The following CMTM8 variants were observed in gnomAD, a reference collection of about 807,000 sequenced individuals.
The protein encoded by CMTM8 is CKLF-like MARVEL transmembrane domain-containing protein 8.
CMTM8 carries 12 observed loss-of-function variants against 18.6 expected under a neutral mutation model. The observed-to-expected ratio is 0.65, with a 90% CI of 0.41 to 1.05. CMTM8 has a LOEUF of 1.05. Ranked by LOEUF, CMTM8 falls within the 50% of genes least tolerant of loss-of-function variation. CMTM8 has a pLI of 0.00. For synonymous variants in CMTM8, 87 were observed against 90.6 expected (o/e 0.96, Z 0.23); for missense variants, 217 against 227.2 (o/e 0.95, Z 0.29).
chr3:32,339,739 G>A (rs370113383), intron 1 of CMTM8, among the ~76,000 whole-genome samples: 3 of 152,082 alleles, frequency 2.0e-5, no homozygotes, highest in East Asian at 3.9e-4. Flanking sequence ...CGAGGCGGGC[G>A]GATCATGAGG....
chr3:32,305,232 C>CTTT lies in CMTM8; in HGVS notation c.148-52127_148-52125dup, dbSNP rs397693052. Among the ~76,000 whole-genome samples the CTTT allele has an allele frequency of 1.9e-3, 241 of 127,536 alleles. 6 individuals carry two copies. In the East Asian group the frequency reaches 0.021, roughly 11 times the overall value. The allele number at this position is 127,536 out of a possible 152,430, so 83.7% of individuals were successfully genotyped here. ...GGGAACATTTGGTAATGACTGGAGG[C>CTTT]TTTTTTTTTTTTTTTTCAGACGGAG... On this transcript the variant is annotated intron_variant, in intron 1 of 3. Coordinates refer to ENST00000307526, the MANE Select transcript of CMTM8 (RefSeq NM_178868.5).
At chr3:32,281,689 A>C (rs1333452460) in intron 1 of CMTM8, among the ~76,000 whole-genome samples, 1 of 152,014 alleles carries the variant, frequency 6.6e-6, no homozygotes. Flanking sequence ...AACCCTCTCC[A>C]ATCAGCCTTG....
intron 1 of CMTM8, among the ~76,000 whole-genome samples, chr3:32,292,046 CCTT>C (rs1254669680): frequency 6.6e-6 from 1 of 152,168 alleles, no homozygotes; most frequent in African/African-American, 2.4e-5. Flanking sequence ...GCTCTCATCA[CCTT>C]CTATCCGGAT....
intron 1 of CMTM8, among the ~76,000 whole-genome samples, chr3:32,264,550 G>A (rs1219410029): frequency 1.3e-5 from 2 of 152,146 alleles, no homozygotes; most frequent in Non-Finnish European, 2.9e-5. Flanking sequence ...CAAGTAACAA[G>A]CAAAATAACC....
At chr3:32,304,400 A>T (rs1695683401) in intron 1 of CMTM8, among the ~76,000 whole-genome samples, 1 of 152,200 alleles carries the variant, frequency 6.6e-6, no homozygotes, top group Non-Finnish European at 1.5e-5. Flanking sequence ...TTGTTGTTGG[A>T]GATGGCATGG....
At position 32,370,178 on chromosome 3, in the gene CMTM8, T is replaced by G. The variant is rs1269317725; in HGVS notation, c.*211T>G. 3.7e-6 allele frequency: 1 copy of G among 273,220 alleles called. No individual in the cohort carries two copies. The highest frequency in any genetic ancestry group is 6.9e-6 in the Non-Finnish European group (1 of 144,754). 16.9% of individuals were successfully genotyped at this position (273,220 alleles called of 1,614,324 possible). On this transcript the variant is annotated 3_prime_UTR_variant, in exon 4 of 4. Transcript: ENST00000307526. ...TTATAATGAACTCTTAAGTATCTTA[T>G]TAATGTATTAATGTCTTCATAGATC... is the stretch of plus-strand genomic sequence containing the variant.
chr3:32,327,113 T>TA (rs35018766), intron 1 of CMTM8, among the ~76,000 whole-genome samples: 24,493 of 140,890 alleles, frequency 0.17, 2,058 homozygotes, highest in East Asian at 0.3. Context: ...CTAGAAGAGT[T>TA]AAAAAAAAAA....
chr3:32,259,085 G>C, intron 1 of CMTM8: 2 of 375,576 alleles, frequency 5.3e-6, no homozygotes, highest in South Asian at 4.7e-5. Flanking sequence ...TCTGGTTCCC[G>C]GATCACCGTG....
At chr3:32,304,926 A>G (rs1003645421) in intron 1 of CMTM8, among the ~76,000 whole-genome samples, 4 of 152,224 alleles carry the variant, frequency 2.6e-5, no homozygotes, top group Non-Finnish European at 5.9e-5. Context: ...ATAGATGAGA[A>G]AGCTCAAGTG....
chr3:32,311,286 A>G (rs781058328), intron 1 of CMTM8, among the ~76,000 whole-genome samples: 8 of 152,272 alleles, frequency 5.3e-5, no homozygotes, highest in Non-Finnish European at 1.2e-4. Context: ...GTGTCTACAA[A>G]TAGTTTTATT....
rs546261296 is a variant in CMTM8 at position 32,307,058 on chromosome 3, T to C, written c.148-50315T>C. Among the ~76,000 whole-genome samples, 8 of 147,682 alleles carry C rather than the reference T, an allele frequency of 5.4e-5. No individual in the cohort carries two copies. The East Asian group carries it at 1.6e-3, about 29-fold the overall frequency. The stretch of plus-strand genomic sequence containing the variant: ...CCCGTCTCTACTAAAAATACAAAAA[T>C]TAGCTGGGCATGGTTGTGGATGCCT... On this transcript the variant is annotated intron_variant, in intron 1 of 3. Coordinates refer to ENST00000307526, the MANE Select transcript of CMTM8 (RefSeq NM_178868.5).
chr3:32,256,999 G>A (rs1702182306), intron 1 of CMTM8, among the ~76,000 whole-genome samples: 2 of 152,178 alleles, frequency 1.3e-5, no homozygotes, highest in African/African-American at 4.8e-5. Context: ...CCTATCTTCA[G>A]GGATCTATGG....
At chr3:32,284,468 TTC>T (rs1199365571) in intron 1 of CMTM8, among the ~76,000 whole-genome samples, 1 of 152,204 alleles carries the variant, frequency 6.6e-6, no homozygotes, top group African/African-American at 2.4e-5. Flanking sequence ...TGTCCTCACC[TTC>T]TACCAGCCTT....
chr3:32,288,318 C>A (rs2125554437), intron 1 of CMTM8, among the ~76,000 whole-genome samples: 1 of 152,250 alleles, frequency 6.6e-6, no homozygotes, highest in African/African-American at 2.4e-5. Context: ...GGGACTTACT[C>A]TGTCACTCAG....
chr3:32,351,564 AG>A (rs1696707875), intron 1 of CMTM8, among the ~76,000 whole-genome samples: 1 of 151,840 alleles, frequency 6.6e-6, no homozygotes, highest in African/African-American at 2.4e-5. Flanking sequence ...AAAATCAAAA[AG>A]TTAGCCAGAT....
intron 1 of CMTM8, chr3:32,259,013 G>C: frequency 5.9e-6 from 2 of 341,224 alleles, no homozygotes; most frequent in South Asian, 5.5e-5. Context: ...CCCAGCTACT[G>C]GCATCCAGCC....
At chr3:32,290,433 G>A (rs1000510728) in intron 1 of CMTM8, among the ~76,000 whole-genome samples, 3 of 152,196 alleles carry the variant, frequency 2.0e-5, no homozygotes, top group African/African-American at 7.2e-5. Flanking sequence ...CACATTCAAT[G>A]TAATTATAAT....
intron 1 of CMTM8, among the ~76,000 whole-genome samples, chr3:32,279,087 C>T (rs538406171): frequency 2.5e-4 from 38 of 152,190 alleles, no homozygotes; most frequent in African/African-American, 8.7e-4. Context: ...TCTGAATAAG[C>T]TTCATTCTTA....
At chr3:32,336,586 G>A (rs920566212) in intron 1 of CMTM8, among the ~76,000 whole-genome samples, 2 of 152,200 alleles carry the variant, frequency 1.3e-5, no homozygotes, top group East Asian at 1.9e-4. Flanking sequence ...AGATGTGAGC[G>A]ATGTAACTGG....
Sources: allele counts gnomAD v4.1 joint callset (sites outside exome capture counted in the v4.1 genomes callset), GRCh38; gene constraint gnomAD v4.1.1; transcripts MANE v1.5; gene names NCBI Gene and HGNC (gene_info 2026-07-23, HGNC 2026-07-21).